Variants in TENM4 observed in about 807,000 individuals in gnomAD.
TENM4 encodes the protein teneurin-4.
Under a neutral mutation model 243.3 loss-of-function variants are expected in TENM4, and 82 were observed. The ratio of observed to expected loss-of-function variants is 0.34; its 90% CI spans 0.28 to 0.40. The LOEUF is 0.40. TENM4 is among the 10% of genes least tolerant of loss of function. TENM4 has a pLI of 1.00. For synonymous variants in TENM4, 1,412 were observed against 1,456.3 expected, an observed-to-expected ratio of 0.97 and a Z score of 0.69; for missense variants, 3,138 against 3,673.3, an observed-to-expected ratio of 0.85 and a Z score of 3.77.
chr11:79,094,967 C>A (rs1048689583), intron 4 of TENM4, among the ~76,000 whole-genome samples: 12 of 152,216 alleles, frequency 7.9e-5, no homozygotes, highest in African/African-American at 2.4e-4. Flanking sequence ...AGACCCAGGA[C>A]AGGGGCAGAT....
Position 79,079,988 on chromosome 11 carries a change from A to G in TENM4, c.-65-9979T>C, listed in dbSNP as rs376955452. On this transcript the variant is annotated intron_variant, in intron 4 of 33. Transcript: ENST00000278550. ...CCAGAGCTGGGGACTTTACTACCTCAGGGGGCTGAAACCTGCCTCCTTTTA... is the reference window on the plus strand; with the variant it reads ...CCAGAGCTGGGGACTTTACTACCTCGGGGGGCTGAAACCTGCCTCCTTTTA... 2.8e-3 allele frequency among the ~76,000 whole-genome samples: 420 copies of G among 152,156 alleles called. 3 individuals carry two copies. Among genetic ancestry groups the G allele is most frequent in the African/African-American group, 9.3e-3 (386 of 41,518 alleles).
chr11:79,225,528 C>T (rs1430540285), intron 2 of TENM4, among the ~76,000 whole-genome samples: 1 of 152,164 alleles, frequency 6.6e-6, no homozygotes, highest in South Asian at 2.1e-4. Context: ...AGCAAGTCTC[C>T]CACCTCAGCC....
intron 6 of TENM4, among the ~76,000 whole-genome samples, chr11:78,927,055 C>T (rs931584977): frequency 2.6e-5 from 4 of 152,174 alleles, no homozygotes; most frequent in Admixed American, 6.5e-5. Flanking sequence ...CACTAATATT[C>T]AGTGAACTAT....
chr11:79,033,570 G>T (rs1431221417), intron 6 of TENM4, among the ~76,000 whole-genome samples: 1 of 152,160 alleles, frequency 6.6e-6, no homozygotes, highest in East Asian at 1.9e-4. Context: ...AGTTTTCCTG[G>T]TCCATCCACC....
intron 3 of TENM4, among the ~76,000 whole-genome samples, chr11:79,199,177 C>T (rs1383260217): frequency 2.0e-5 from 3 of 152,240 alleles, no homozygotes; most frequent in East Asian, 1.9e-4. Context: ...CCACTGTACC[C>T]GGTGTGTCTG....
At chr11:78,963,479 C>T (rs1392009018) in intron 6 of TENM4, among the ~76,000 whole-genome samples, 1 of 152,178 alleles carries the variant, frequency 6.6e-6, no homozygotes, top group Non-Finnish European at 1.5e-5. Flanking sequence ...TCATTTTCTC[C>T]CACCTTGAGT....
At chr11:78,973,129 A>G (rs1857579340) in intron 6 of TENM4, among the ~76,000 whole-genome samples, 2 of 152,248 alleles carry the variant, frequency 1.3e-5, no homozygotes. Context: ...GCTATTATCC[A>G]TAATGCTGCT....
intron 4 of TENM4, among the ~76,000 whole-genome samples, chr11:79,109,054 T>C (rs2137098974): frequency 6.6e-6 from 1 of 152,258 alleles, no homozygotes; most frequent in South Asian, 2.1e-4. Context: ...GTGAGTCACT[T>C]TGCACACATC....
At chr11:79,436,418 G>C (rs1054684103) in intron 1 of TENM4, among the ~76,000 whole-genome samples, 1 of 152,078 alleles carries the variant, frequency 6.6e-6, no homozygotes. Flanking sequence ...GAGGACTGAA[G>C]CTCCAAAGAC....
chr11:79,292,132 C>T (rs969476744), intron 2 of TENM4, among the ~76,000 whole-genome samples: 5 of 152,192 alleles, frequency 3.3e-5, no homozygotes, highest in African/African-American at 1.2e-4. Flanking sequence ...ATGAAACCGG[C>T]ATACTGTTTC....
At position 79,069,770 on chromosome 11, in the gene TENM4, G is replaced by A. The variant is rs1349107459; in HGVS notation, c.175C>T (p.Arg59Cys). The change falls in exon 5 of 34, where the codon CGC (arginine) becomes TGC (cysteine). Residue 59 changes from arginine to cysteine, a missense_variant. This residue lies in a region of TENM4 where 671 missense variants were observed against 614.1 expected (regional missense o/e 1.09). Coordinates refer to ENST00000278550, the MANE Select transcript of TENM4 (RefSeq NM_001098816.3). ...DQDARLAYGS[R>C]VKDIVPQEAE... is the part of the protein sequence containing the mutation. ...TCCTGCGGCACAATGTCCTTGACGC[G>A]GCTGCCATAGGCTAGGCGGGCGTCC... is the stretch of plus-strand genomic sequence containing the variant. 2.6e-6 allele frequency: 4 copies of A among 1,551,216 alleles called. No individual in the cohort carries two copies. Among genetic ancestry groups the A allele is most frequent in the Admixed American group, 3.9e-5 (2 of 50,992 alleles).
At chr11:79,228,217 G>A (rs1340773674) in intron 2 of TENM4, among the ~76,000 whole-genome samples, 1 of 152,148 alleles carries the variant, frequency 6.6e-6, no homozygotes. Flanking sequence ...TCGGGTGGTG[G>A]GCCAGCTTCC....
chr11:78,879,297 C>A (rs1859355805), intron 9 of TENM4, among the ~76,000 whole-genome samples: 4 of 120,630 alleles, frequency 3.3e-5, no homozygotes, highest in South Asian at 5.9e-4. Context: ...TGAGGAGCGC[C>A]TTTGCCCAGC....
chr11:79,072,545 C>T (rs945468354), intron 4 of TENM4, among the ~76,000 whole-genome samples: 4 of 151,458 alleles, frequency 2.6e-5, no homozygotes, highest in Non-Finnish European at 5.9e-5. Context: ...TTGATGTATG[C>T]GAATGTGTGT....
chr11:79,192,132 G>C (rs1320083421), intron 3 of TENM4, among the ~76,000 whole-genome samples: 2 of 149,820 alleles, frequency 1.3e-5, no homozygotes. Flanking sequence ...CGCCCCGTCC[G>C]GGAGGGAGGT....
intron 1 of TENM4, among the ~76,000 whole-genome samples, chr11:79,401,374 C>T (rs181232871): frequency 1.3e-5 from 2 of 152,304 alleles, no homozygotes; most frequent in East Asian, 1.9e-4. Context: ...GGTAAGCACA[C>T]GTGCTGAGGC....
chr11:79,287,849 T>A (rs1856284391), intron 2 of TENM4, among the ~76,000 whole-genome samples: 2 of 152,044 alleles, frequency 1.3e-5, no homozygotes, highest in African/African-American at 4.8e-5. Context: ...AGCTCAGAAG[T>A]CACACTGCAT....
At chr11:79,292,473 C>T (rs146347719) in intron 2 of TENM4, among the ~76,000 whole-genome samples, 5 of 152,318 alleles carry the variant, frequency 3.3e-5, no homozygotes, top group African/African-American at 9.6e-5. Flanking sequence ...CTATCAGTGG[C>T]TTTTCATGCT....
At chr11:78,856,351 G>A (rs1247145595) in intron 10 of TENM4, among the ~76,000 whole-genome samples, 173 bp from the exon 11 acceptor site, 1 of 152,050 alleles carries the variant, frequency 6.6e-6, no homozygotes, top group African/African-American at 2.4e-5. Flanking sequence ...GAGTAAAAAG[G>A]TCCAGAACTT....
Sources: allele counts gnomAD v4.1 joint callset (sites outside exome capture counted in the v4.1 genomes callset), GRCh38; gene constraint gnomAD v4.1.1; regional missense constraint gnomAD v4.1.1; transcripts MANE v1.5; gene names NCBI Gene and HGNC (gene_info 2026-07-23, HGNC 2026-07-21).